The following DYSF variants were observed in gnomAD, a reference collection of about 807,000 sequenced individuals.
DYSF encodes the protein dystrophy-associated fer-1-like 1.
DYSF carries 212 observed loss-of-function variants against 274.9 expected under a neutral mutation model. The observed-to-expected ratio is 0.77, with a 90% CI of 0.69 to 0.86. DYSF has a LOEUF of 0.86. DYSF is among the 40% of genes least tolerant of loss of function. The probability of loss-of-function intolerance (pLI) is 0.00; values close to 1 mark genes in which losing one functional copy is unlikely to be tolerated. For missense variants in DYSF, 2,666 were observed against 2,783.2 expected (o/e 0.96, Z 0.95); for synonymous variants, 1,091 against 1,078.7 (o/e 1.01, Z -0.22).
At chr2:71,506,244 T>A (rs1181236572) in intron 4 of DYSF, among the ~76,000 whole-genome samples, 2 of 152,126 alleles carry the variant, frequency 1.3e-5, no homozygotes, top group Non-Finnish European at 2.9e-5. Flanking sequence ...CCCCAGAGCC[T>A]GACCACATAA....
intron 41 of DYSF, among the ~76,000 whole-genome samples, chr2:71,643,564 A>T (rs2094520252): frequency 6.6e-6 from 1 of 152,168 alleles, no homozygotes; most frequent in Non-Finnish European, 1.5e-5. Context: ...TAAATAATAC[A>T]TTATTGACAT....
exon 1 of DYSF, chr2:71,453,831 C>T (rs1372663452): frequency 1.4e-6 from 1 of 716,926 alleles, no homozygotes; most frequent in African/African-American, 1.7e-5. Context: ...CGGGGGTGGC[C>T]CGTTCCCCTT....
chr2:71,662,461 C>T (rs898579087), intron 45 of DYSF, among the ~76,000 whole-genome samples: 3 of 150,144 alleles, frequency 2.0e-5, no homozygotes, highest in Admixed American at 1.3e-4. Flanking sequence ...TGTATATGTG[C>T]ACATATGTGC....
At chr2:71,567,836 G>A (rs1191114623) in intron 24 of DYSF, 115 bp from the exon 25 acceptor site, 1 of 1,476,648 alleles carries the variant, frequency 6.8e-7, no homozygotes, top group African/African-American at 1.4e-5. Flanking sequence ...GACACTCCCA[G>A]TGAGGGTGTC....
chr2:71,644,114 G>A, intron 42 of DYSF, 51 bp downstream of exon 42: 1 of 1,428,398 alleles, frequency 7.0e-7, no homozygotes, highest in Non-Finnish European at 9.7e-7. Context: ...GTACTGGGCA[G>A]TGGGAGACAC....
At position 71,683,612 on chromosome 2, in the gene DYSF, G is replaced by A. The variant is rs892968117; in HGVS notation, c.6321+935G>A. Among the ~76,000 whole-genome samples the A allele has an allele frequency of 4.6e-5, 7 of 152,222 alleles. No individual in the cohort carries two copies. The South Asian group carries it at 8.3e-4, about 18-fold the overall frequency. On this transcript the variant is annotated intron_variant, in intron 55 of 55. Coordinates refer to ENST00000410020, the MANE Select transcript of DYSF (RefSeq NM_001130987.2). ...AGGACCTTATGTTGGTGGCAAAGAC[G>A]CAAACACCCAGAGAAGGAAAGGGCC...
Position 71,600,760 on chromosome 2 carries a change from G to T in DYSF, c.3815G>T (p.Arg1272Leu). ...ICQPSLERMP[R>L]LAWFPLTRGS... ...CAACCGAGTCTGGAACGGATGCCACGGCTGGCCTGGTTCCCACTGACGAGG... is the reference window on the plus strand; with the variant it reads ...CAACCGAGTCTGGAACGGATGCCACTGCTGGCCTGGTTCCCACTGACGAGG... Residue 1272 changes from arginine to leucine, a missense_variant, in exon 34 of 56, where the codon CGG becomes CTG. Physicochemically the swap from Arg to Leu is moderately radical, Grantham distance 102. This residue lies in a region of DYSF where 1,460 missense variants were observed against 1,502.1 expected (regional missense o/e 0.97). Coordinates refer to ENST00000410020, the MANE Select transcript of DYSF (RefSeq NM_001130987.2). 2.5e-6 allele frequency: 4 copies of T among 1,613,806 alleles called. No individual in the cohort carries two copies. The South Asian group carries it at 4.4e-5, about 18-fold the overall frequency.
intron 13 of DYSF, among the ~76,000 whole-genome samples, chr2:71,526,620 C>T (rs1271443511): frequency 6.6e-6 from 1 of 152,254 alleles, no homozygotes; most frequent in Non-Finnish European, 1.5e-5. Flanking sequence ...TCTTAGTTCT[C>T]ATTGAGAAGT....
intron 22 of DYSF, among the ~76,000 whole-genome samples, chr2:71,561,212 C>T (rs1433658323): frequency 4.6e-5 from 7 of 152,190 alleles, no homozygotes; most frequent in Non-Finnish European, 8.8e-5. Context: ...TTGTGGCTCC[C>T]CACCCCACCT....
chr2:71,602,573 G>A, intron 35 of DYSF: 3 of 556,206 alleles, frequency 5.4e-6, no homozygotes, highest in Non-Finnish European at 9.9e-6. Context: ...CTTTCCCAGG[G>A]ACCACTTTAG....
At chr2:71,492,957 C>A (rs151040647) in intron 3 of DYSF, among the ~76,000 whole-genome samples, 40 of 152,266 alleles carry the variant, frequency 2.6e-4, no homozygotes, top group African/African-American at 9.4e-4. Context: ...ACAAGGCTCA[C>A]TGTAGCCTTG....
In DYSF at chr2:71,513,304, C is replaced by T; in HGVS notation, c.525C>T (p.Tyr175=). ...GTGACAGCACCATGGACACGAGATACTCTGGAAAGAAGTGGCCGGCCCCCA... is the reference window on the plus strand; with the variant it reads ...GTGACAGCACCATGGACACGAGATATTCTGGAAAGAAGTGGCCGGCCCCCA... ...LLSDSTMDTR[Y]SGKKWPAPTD... is the part of the protein sequence containing the mutation. The change falls in exon 6 of 56, where the codon TAC becomes TAT. Residue 175 remains tyrosine (Y), a synonymous_variant. Transcript: ENST00000410020. 1 of 1,551,678 alleles carries T rather than the reference C, an allele frequency of 6.4e-7. No individual in the cohort carries two copies.
chr2:71,683,596 TG>T (rs1193230654), intron 55 of DYSF, among the ~76,000 whole-genome samples: 4 of 152,206 alleles, frequency 2.6e-5, no homozygotes, highest in African/African-American at 9.7e-5. Context: ...GAGGACCTTA[TG>T]TTGGTGGCAA....
In DYSF at chr2:71,564,903, GC is replaced by G. The variant is rs1480785219; in HGVS notation, c.2565+691del. ...CATCTGTGCTCCTCTCTAGGCTCAT[GC>G]GCGGACATAGAGCCAAAGCTGCTGT... On this transcript the variant is annotated intron_variant, in intron 24 of 55. Coordinates refer to ENST00000410020, the MANE Select transcript of DYSF (RefSeq NM_001130987.2). 2.0e-5 allele frequency among the ~76,000 whole-genome samples: 3 copies of G among 152,298 alleles called. No individual in the cohort carries two copies. The East Asian group carries it at 5.8e-4, about 29-fold the overall frequency.
upstream of DYSF, among the ~76,000 whole-genome samples, chr2:71,466,519 C>A (rs1350878112): frequency 6.6e-6 from 1 of 152,136 alleles, no homozygotes; most frequent in African/African-American, 2.4e-5. Context: ...AGCGGCGCCT[C>A]GTTCCTGGCC....
chr2:71,565,246 C>CTTTTTTTTTTTTTTTTTTTTTTTT (rs796705736), intron 24 of DYSF, among the ~76,000 whole-genome samples: 8 of 131,326 alleles, frequency 6.1e-5, no homozygotes, highest in African/African-American at 2.3e-4. Flanking sequence ...CCACCCAGCT[C>CTTTTTTTTTTTTTTTTTTTTTTTT]TTTTTTTTTT....
At chr2:71,643,801 C>T (rs768986027) in intron 41 of DYSF, among the ~76,000 whole-genome samples, 164 bp from the exon 42 acceptor site, 3 of 152,196 alleles carry the variant, frequency 2.0e-5, no homozygotes, top group Non-Finnish European at 4.4e-5. Context: ...GCAGTCTTTG[C>T]CCCAGGAGAG....
At chr2:71,563,980 A>T (rs1252298627) in intron 23 of DYSF, 78 bp from the exon 24 acceptor site, 1 of 1,596,960 alleles carries the variant, frequency 6.3e-7, no homozygotes, top group African/African-American at 1.3e-5. Flanking sequence ...TCTGAGTCAG[A>T]GGTCAGCTCA....
intron 53 of DYSF, 104 bp from the exon 54 acceptor site, chr2:71,680,897 T>A: frequency 1.1e-6 from 1 of 900,466 alleles, no homozygotes. Context: ...ACATCTTTTT[T>A]TTTAAATAAT....
Sources: allele counts gnomAD v4.1 joint callset (sites outside exome capture counted in the v4.1 genomes callset), GRCh38; gene constraint gnomAD v4.1.1; regional missense constraint gnomAD v4.1.1; transcripts MANE v1.5; gene names NCBI Gene and HGNC (gene_info 2026-07-23, HGNC 2026-07-21).